Variants in STMN1 observed in about 807,000 individuals in gnomAD.
STMN1 encodes the protein stathmin 1.
In STMN1, 3 loss-of-function variants were observed where a neutral mutation model predicts 19.7. The observed-to-expected ratio is 0.15, with a 90% CI of 0.07 to 0.39. The LOEUF (loss-of-function observed/expected upper bound fraction) is 0.39. Among genes scored for constraint, STMN1 ranks in the 10% least tolerant of loss-of-function variants. The probability of loss-of-function intolerance (pLI) is 1.00; values close to 1 mark genes in which losing one functional copy is unlikely to be tolerated. For synonymous variants in STMN1, 59 were observed against 58.9 expected (o/e 1.00, Z -0.01); for missense variants, 99 against 176.0 (o/e 0.56, Z 2.48).
chr1:25,895,189 A>G (rs1214826650), downstream of STMN1, among the ~76,000 whole-genome samples: 1 of 139,898 alleles, frequency 7.1e-6, no homozygotes, highest in Non-Finnish European at 1.5e-5. Flanking sequence ...TGCAACCTCT[A>G]CCTCCCGGGT....
At chr1:25,904,189 T>C (rs1266633119) in intron 2 of STMN1, among the ~76,000 whole-genome samples, 1 of 152,126 alleles carries the variant, frequency 6.6e-6, no homozygotes, top group Non-Finnish European at 1.5e-5. Context: ...TGGTGGCCCA[T>C]GTCGATAGTC....
chr1:25,901,578 T>C lies in STMN1; in HGVS notation c.291A>G (p.Ala97=), dbSNP rs1214402103. Residue 97 remains alanine (A), a synonymous_variant, in exon 4 of 5, where the codon GCA becomes GCG. Coordinates refer to ENST00000455785, the MANE Select transcript of STMN1 (RefSeq NM_005563.4). ...IEENNNFSKM[A]EEKLTHKMEA... is the part of the protein sequence containing the mutation. The stretch of plus-strand genomic sequence containing the variant: ...CCATTTTGTGGGTCAGTTTCTCTTC[T>C]GCCATTTTACTGAAGTTGTTGTTCT... The C allele has an allele frequency of 5.0e-6, 8 of 1,614,054 alleles. No homozygotes were observed. Among genetic ancestry groups the C allele is most frequent in the South Asian group, 1.1e-5 (1 of 91,074 alleles).
rs1399550157 is a variant in STMN1, at chr1:25,900,932, A to AG, written c.*83dup. The AG allele has an allele frequency of 3.7e-6, 6 of 1,603,802 alleles. No individual in the cohort carries two copies. The highest frequency in any genetic ancestry group is 5.1e-6 in the Non-Finnish European group (6 of 1,175,818). Reference sequence around the variant, plus strand: ...ATTAGCTTCTAAAATATTTGTCAGGAGGGAAAAAATAAAATGACACTGGCC... The same window carrying AG: ...ATTAGCTTCTAAAATATTTGTCAGGAGGGGAAAAAATAAAATGACACTGGCC... On this transcript the variant is annotated 3_prime_UTR_variant, in exon 5 of 5. Coordinates refer to ENST00000455785, the MANE Select transcript of STMN1 (RefSeq NM_005563.4).
intron 2 of STMN1, among the ~76,000 whole-genome samples, chr1:25,904,379 A>C (rs572115769): frequency 6.6e-6 from 1 of 152,342 alleles, no homozygotes; most frequent in Admixed American, 6.5e-5. Flanking sequence ...TTTTTGGATT[A>C]ATAAATACTG....
downstream of STMN1, among the ~76,000 whole-genome samples, chr1:25,896,998 C>G (rs931128814): frequency 6.6e-6 from 1 of 152,180 alleles, no homozygotes. Context: ...AACCTCCATC[C>G]AAAGGGGGAA....
At chr1:25,887,762 C>G (rs1051608801) in intron 4 of STMN1, among the ~76,000 whole-genome samples, 1 of 152,232 alleles carries the variant, frequency 6.6e-6, no homozygotes, top group Non-Finnish European at 1.5e-5. Flanking sequence ...TCTTGGCTCA[C>G]TGTAACCTCC....
chr1:25,885,824 A>T, exon 5 of STMN1: 1 of 1,551,740 alleles, frequency 6.4e-7, no homozygotes, highest in African/African-American at 1.4e-5. Flanking sequence ...TGCTCAGCAG[A>T]GATCTGTGCT....
At chr1:25,904,855 A>T (rs956360442) in intron 1 of STMN1, 117 bp from the exon 2 acceptor site, 1 of 597,202 alleles carries the variant, frequency 1.7e-6, no homozygotes. Flanking sequence ...TGGAATAAAG[A>T]CGTCTAAATT....
chr1:25,886,850 T>G (rs1162223608), intron 4 of STMN1, among the ~76,000 whole-genome samples: 1 of 151,986 alleles, frequency 6.6e-6, no homozygotes, highest in Non-Finnish European at 1.5e-5. Flanking sequence ...TCTCCCAAAG[T>G]GCTGGGATTA....
chr1:25,890,121 G>A (rs1002928507), intron 4 of STMN1, among the ~76,000 whole-genome samples: 51 of 149,086 alleles, frequency 3.4e-4, no homozygotes, highest in African/African-American at 1.3e-3. Context: ...GACTGGAGGT[G>A]TATTCATTCA....
chr1:25,904,691 A>C lies in STMN1; in HGVS notation c.-15T>G, dbSNP rs371262166. The C allele has an allele frequency of 1.7e-5, 27 of 1,613,712 alleles. No individual in the cohort carries two copies. Among genetic ancestry groups the C allele is most frequent in the Non-Finnish European group, 2.2e-5 (26 of 1,179,918 alleles). On this transcript the variant is annotated 5_prime_UTR_variant, in exon 2 of 5. Transcript: ENST00000455785. ...GAAGAAGCCATGGTGAATAGAAGAC[A>C]AGCGACAGGCAGTGTATTCTGCACA...
intron 1 of STMN1, chr1:25,905,332 TTGA>T (rs1557486238): frequency 1.3e-5 from 2 of 152,248 alleles, no homozygotes; most frequent in African/African-American, 4.8e-5. Flanking sequence ...GTATCTCTTG[TTGA>T]TCTTTTTAAC....
chr1:25,885,573 A>G (rs2048714011), exon 5 of STMN1: 3 of 1,035,786 alleles, frequency 2.9e-6, no homozygotes, highest in Non-Finnish European at 4.1e-6. Flanking sequence ...TGAGGCTCAG[A>G]CACAGCAAGC....
intron 4 of STMN1, chr1:25,887,275 G>A (rs2048730192): frequency 6.3e-6 from 1 of 159,846 alleles, no homozygotes; most frequent in Non-Finnish European, 1.4e-5. Flanking sequence ...ATCAGGAAGT[G>A]GTTTGTTAAA....
At chr1:25,887,481 A>T in intron 4 of STMN1, 1 of 360,140 alleles carries the variant, frequency 2.8e-6, no homozygotes, top group South Asian at 2.7e-5. Flanking sequence ...CTACATGAAC[A>T]TGCAGCTTGC....
chr1:25,906,353 C>A lies in STMN1; in HGVS notation c.-63+36G>T, dbSNP rs1206749203. On this transcript the variant is annotated intron_variant, in intron 1 of 4. Coordinates refer to ENST00000455785, the MANE Select transcript of STMN1 (RefSeq NM_005563.4). This position sits in a 1 kb window ranked among gnomAD's most constrained non-coding sequence, Gnocchi z 4.5. Reference sequence around the variant, plus strand: ...CCGACCGCGTCCCTCTTGCTGGCCTCAGCCAGCCGCCGCCTCCTCCGAGCC... The same window carrying A: ...CCGACCGCGTCCCTCTTGCTGGCCTAAGCCAGCCGCCGCCTCCTCCGAGCC... 1.3e-5 allele frequency: 2 copies of A among 153,796 alleles called. No individual in the cohort carries two copies. The highest frequency in any genetic ancestry group is 2.9e-5 in the Non-Finnish European group (2 of 68,412). The allele number at this position is 153,796 out of a possible 1,614,324, so 9.5% of individuals were successfully genotyped here.
downstream of STMN1, among the ~76,000 whole-genome samples, chr1:25,896,425 A>C (rs1462500118): frequency 6.6e-6 from 1 of 152,116 alleles, no homozygotes; most frequent in Non-Finnish European, 1.5e-5. Flanking sequence ...AGGGATTGGA[A>C]GCTCCAGGCC....
intron 4 of STMN1, among the ~76,000 whole-genome samples, chr1:25,886,304 C>G (rs1317486551): frequency 1.3e-5 from 2 of 152,168 alleles, no homozygotes; most frequent in Non-Finnish European, 2.9e-5. Context: ...AAAACTCAGG[C>G]AGTGCAGCAA....
downstream of STMN1, among the ~76,000 whole-genome samples, chr1:25,896,280 C>G (rs1303989197): frequency 6.6e-6 from 1 of 152,110 alleles, no homozygotes; most frequent in Non-Finnish European, 1.5e-5. Flanking sequence ...TGAGACAATG[C>G]AAATAATTAT....
Sources: gnomAD v4.1 joint callset for allele counts (sites outside exome capture counted in the v4.1 genomes callset) on GRCh38, gnomAD v4.1.1 for gene constraint, Gnocchi (gnomAD v3.1) non-coding constraint, MANE v1.5 for transcripts, NCBI Gene and HGNC (gene_info 2026-07-23, HGNC 2026-07-21) for gene names.